Variants in NUDCD3 observed in about 807,000 individuals in gnomAD.
The protein encoded by NUDCD3 is nudC domain-containing protein 3.
Under a neutral mutation model 39.7 loss-of-function variants are expected in NUDCD3, and 13 were observed. That is an observed-to-expected ratio of 0.33 (90% CI 0.21 to 0.52). The LOEUF (loss-of-function observed/expected upper bound fraction) is 0.52, where lower values mean the gene tolerates loss of function less well. NUDCD3 is among the 20% of genes least tolerant of loss of function. The pLI is 0.96. For synonymous variants in NUDCD3, 175 were observed against 172.4 expected (o/e 1.02, Z -0.12); for missense variants, 453 against 458.1 (o/e 0.99, Z 0.10).
chr7:44,423,806 A>G (rs1264457804), intron 3 of NUDCD3, among the ~76,000 whole-genome samples: 1 of 152,232 alleles, frequency 6.6e-6, no homozygotes, highest in African/African-American at 2.4e-5. Flanking sequence ...TAAATTTCAT[A>G]TGGAACCAAA....
Position 44,485,108 on chromosome 7 carries a change from T to C in NUDCD3, c.369A>G (p.Glu123=), listed in dbSNP as rs751916587. 1.9e-6 allele frequency: 3 copies of C among 1,614,086 alleles called. No individual in the cohort carries two copies. The highest frequency in any genetic ancestry group is 2.5e-6 in the Non-Finnish European group (3 of 1,180,050). Residue 123 remains glutamate, a synonymous_variant, in exon 2 of 6, where the codon GAA becomes GAG. Coordinates refer to ENST00000355451, the MANE Select transcript of NUDCD3 (RefSeq NM_015332.4). ...VQEIEIDSTT[E]LDGHQEVEKV... is the part of the protein sequence containing the mutation. ...TCTCTACTTCCTGATGCCCATCCAATTCTGTGGTGGAGTCAATCTCTATTT... is the reference window on the plus strand; with the variant it reads ...TCTCTACTTCCTGATGCCCATCCAACTCTGTGGTGGAGTCAATCTCTATTT...
intron 2 of NUDCD3, among the ~76,000 whole-genome samples, chr7:44,431,198 TG>T (rs1186414180): frequency 6.6e-6 from 1 of 152,136 alleles, no homozygotes; most frequent in East Asian, 1.9e-4. Context: ...GCTGCAGGCC[TG>T]GGCACATGGT....
At chr7:44,403,612 C>T (rs914920208) in intron 4 of NUDCD3, among the ~76,000 whole-genome samples, 1 of 152,180 alleles carries the variant, frequency 6.6e-6, no homozygotes, top group Admixed American at 6.5e-5. Flanking sequence ...ATAGTTTGTC[C>T]CTGCCAGTCA....
intron 2 of NUDCD3, among the ~76,000 whole-genome samples, chr7:44,436,624 T>A (rs1799469476): frequency 6.6e-6 from 1 of 152,218 alleles, no homozygotes; most frequent in East Asian, 1.9e-4. Context: ...TACATATATA[T>A]AAAAATAGTT....
At chr7:44,478,376 C>A (rs1487008927) in intron 2 of NUDCD3, among the ~76,000 whole-genome samples, 1 of 152,082 alleles carries the variant, frequency 6.6e-6, no homozygotes, top group African/African-American at 2.4e-5. Flanking sequence ...CATGGTGAAA[C>A]CCTGTCTCTA....
At chr7:44,425,276 T>C (rs1470049080) in intron 3 of NUDCD3, among the ~76,000 whole-genome samples, 1 of 152,070 alleles carries the variant, frequency 6.6e-6, no homozygotes, top group African/African-American at 2.4e-5. Flanking sequence ...AACCTGCATG[T>C]TCAGCACATG....
chr7:44,439,446 C>T (rs1411298931), intron 2 of NUDCD3, among the ~76,000 whole-genome samples: 1 of 152,056 alleles, frequency 6.6e-6, no homozygotes, highest in Non-Finnish European at 1.5e-5. Context: ...CCTCTGAGTG[C>T]CCAGATCTTG....
intron 4 of NUDCD3, among the ~76,000 whole-genome samples, chr7:44,393,575 G>A (rs1798560204): frequency 1.3e-5 from 2 of 152,192 alleles, no homozygotes; most frequent in African/African-American, 2.4e-5. Context: ...GAGTGGGTTT[G>A]TCTACTTTGC....
intron 2 of NUDCD3, among the ~76,000 whole-genome samples, chr7:44,451,417 T>C (rs1406039889): frequency 2.0e-5 from 3 of 152,238 alleles, no homozygotes; most frequent in Non-Finnish European, 4.4e-5. Context: ...ATGGCGATGA[T>C]GGTTGCATGA....
At chr7:44,480,437 A>G (rs1800464818) in intron 2 of NUDCD3, among the ~76,000 whole-genome samples, 1 of 152,186 alleles carries the variant, frequency 6.6e-6, no homozygotes. Context: ...CATAATTTTT[A>G]AAGTTTTCAA....
At chr7:44,475,029 T>A (rs1304760742) in intron 2 of NUDCD3, among the ~76,000 whole-genome samples, 3 of 152,144 alleles carry the variant, frequency 2.0e-5, no homozygotes, top group South Asian at 4.1e-4. Context: ...TCTCAGTGCA[T>A]ACTATGCAGC....
intron 4 of NUDCD3, among the ~76,000 whole-genome samples, chr7:44,393,346 A>G (rs1293098733): frequency 1.3e-5 from 2 of 152,170 alleles, no homozygotes; most frequent in Admixed American, 6.5e-5. Flanking sequence ...AACTTAAAAG[A>G]CAACTGGAAC....
At chr7:44,484,835 T>C in intron 2 of NUDCD3, 133 bp downstream of exon 2, 1 of 734,266 alleles carries the variant, frequency 1.4e-6, no homozygotes, top group South Asian at 2.0e-5. Context: ...ATGCAGCAGT[T>C]TACAAACATG....
chr7:44,469,115 C>CAAAA (rs756247647), intron 2 of NUDCD3, among the ~76,000 whole-genome samples: 1 of 32,840 alleles, frequency 3.0e-5, no homozygotes, highest in African/African-American at 1.4e-4. Context: ...ACAAACAAAC[C>CAAAA]AAAAAAAAAA....
chr7:44,453,360 T>A (rs183682344), intron 2 of NUDCD3, among the ~76,000 whole-genome samples: 3,040 of 150,616 alleles, frequency 0.02, 82 homozygotes, highest in African/African-American at 0.064. Context: ...CTCAAAAAAA[T>A]AAATAAATAA....
chr7:44,381,281 ACC>A lies in NUDCD3; in HGVS notation c.*4728_*4729del, dbSNP rs1798300910. 6.6e-6 allele frequency: 1 copy of A among 152,258 alleles called. No homozygotes were observed. The highest frequency in any genetic ancestry group is 2.4e-5 in the African/African-American group (1 of 41,432). 9.4% of individuals were successfully genotyped at this position (152,258 alleles called of 1,614,324 possible). ...TGGATGATTTCAGTATCTGCCACTCACCTTGGTCATGATGCCACAGAGAGTGT... is the reference window on the plus strand; with the variant it reads ...TGGATGATTTCAGTATCTGCCACTCATTGGTCATGATGCCACAGAGAGTGT... On this transcript the variant is annotated 3_prime_UTR_variant, in exon 6 of 6. Transcript: ENST00000355451.
At chr7:44,444,817 C>T (rs1799658850) in intron 2 of NUDCD3, among the ~76,000 whole-genome samples, 1 of 152,200 alleles carries the variant, frequency 6.6e-6, no homozygotes, top group African/African-American at 2.4e-5. Flanking sequence ...CACAAGGACT[C>T]ACAACTCTTC....
chr7:44,404,369 T>C (rs1798776984), intron 4 of NUDCD3, 71 bp downstream of exon 4: 3 of 1,485,726 alleles, frequency 2.0e-6, no homozygotes, highest in Non-Finnish European at 2.8e-6. Context: ...AATAGGCTTG[T>C]TGGTCAAAAG....
In NUDCD3 at chr7:44,393,654, T is replaced by C. The variant is rs75669269; in HGVS notation, c.787-1169A>G. Among the ~76,000 whole-genome samples, 1,393 of 152,246 alleles carry C rather than the reference T, an allele frequency of 9.1e-3. 8 individuals carry two copies. The highest frequency in any genetic ancestry group is 0.015 in the Non-Finnish European group (992 of 68,012). Reference sequence around the variant, plus strand: ...TGTTTAGATTTCATAATATTTACAATTGAAAGAGGTACATTCACATGCCCA... The same window carrying C: ...TGTTTAGATTTCATAATATTTACAACTGAAAGAGGTACATTCACATGCCCA... On this transcript the variant is annotated intron_variant, in intron 4 of 5. Transcript: ENST00000355451.
Sources: gnomAD v4.1 joint callset for allele counts (sites outside exome capture counted in the v4.1 genomes callset) on GRCh38, gnomAD v4.1.1 for gene constraint, MANE v1.5 for transcripts, NCBI Gene and HGNC (gene_info 2026-07-23, HGNC 2026-07-21) for gene names.